KBTBD12: variants seen among roughly 807,000 people sequenced by gnomAD.
KBTBD12 encodes the protein kelch repeat and BTB domain-containing protein 12.
Under a neutral mutation model 58.7 loss-of-function variants are expected in KBTBD12, and 53 were observed. The ratio of observed to expected loss-of-function variants is 0.90; its 90% CI spans 0.72 to 1.14. The LOEUF (loss-of-function observed/expected upper bound fraction) is 1.14, where lower values mean the gene tolerates loss of function less well. KBTBD12 is among the 50% of genes most tolerant of loss of function. The pLI is 0.00. For synonymous variants in KBTBD12, 236 were observed against 259.8 expected, an observed-to-expected ratio of 0.91 and a Z score of 0.88; for missense variants, 704 against 751.3, an observed-to-expected ratio of 0.94 and a Z score of 0.74.
At chr3:127,939,749 T>A (rs1333517893) in intron 4 of KBTBD12, among the ~76,000 whole-genome samples, 2 of 151,884 alleles carry the variant, frequency 1.3e-5, no homozygotes, top group Non-Finnish European at 2.9e-5. Flanking sequence ...GATCTAAATC[T>A]AGCCACAAAA....
intron 4 of KBTBD12, among the ~76,000 whole-genome samples, chr3:127,955,752 G>A (rs1359483111): frequency 6.6e-6 from 1 of 152,188 alleles, no homozygotes; most frequent in Non-Finnish European, 1.5e-5. Flanking sequence ...CATATTATAT[G>A]CTCAAAATAT....
intron 5 of KBTBD12, among the ~76,000 whole-genome samples, chr3:127,968,081 G>A (rs752022104): frequency 4.6e-5 from 7 of 152,290 alleles, no homozygotes; most frequent in South Asian, 2.1e-4. Context: ...ACATTGCCCC[G>A]TGAGAATAAG....
At chr3:127,916,974 CTGTT>C (rs1185254619) in intron 1 of KBTBD12, among the ~76,000 whole-genome samples, 1 of 152,206 alleles carries the variant, frequency 6.6e-6, no homozygotes, top group Non-Finnish European at 1.5e-5. Flanking sequence ...AAACACAGAA[CTGTT>C]TGTCTGCTGC....
At chr3:127,956,146 G>A (rs968779903) in intron 4 of KBTBD12, among the ~76,000 whole-genome samples, 2 of 152,170 alleles carry the variant, frequency 1.3e-5, no homozygotes, top group African/African-American at 2.4e-5. Flanking sequence ...TTTGCTATAA[G>A]TATCTATAAA....
In KBTBD12 at chr3:127,984,313, A is replaced by C. The variant is rs1940928884; in HGVS notation, c.*35A>C. On this transcript the variant is annotated 3_prime_UTR_variant, in exon 6 of 6. Coordinates refer to ENST00000405109, the MANE Select transcript of KBTBD12 (RefSeq NM_207335.4). ...GCTGGAGGACCTCCTGCTGTTCTGC[A>C]AACAAGGCCTTCAGAACGGAGAGGG... 6.3e-7 allele frequency: 1 copy of C among 1,591,060 alleles called. No individual in the cohort carries two copies. Among genetic ancestry groups the C allele is most frequent in the African/African-American group, 1.3e-5 (1 of 74,388 alleles).
intron 5 of KBTBD12, among the ~76,000 whole-genome samples, chr3:127,971,260 T>C (rs1300238472): frequency 6.6e-6 from 1 of 152,126 alleles, no homozygotes; most frequent in Non-Finnish European, 1.5e-5. Context: ...TTCCTGTGGT[T>C]GGCACGCAGA....
chr3:127,951,852 AG>A (rs1185627664), intron 4 of KBTBD12, among the ~76,000 whole-genome samples: 2 of 152,222 alleles, frequency 1.3e-5, no homozygotes, highest in Non-Finnish European at 2.9e-5. Flanking sequence ...AAGGGATTAG[AG>A]GGCAGTATAA....
chr3:127,971,354 C>T (rs1314943188), intron 5 of KBTBD12, among the ~76,000 whole-genome samples: 1 of 152,128 alleles, frequency 6.6e-6, no homozygotes, highest in Admixed American at 6.5e-5. Flanking sequence ...CGAAGAGCCA[C>T]TCTCATGTTT....
At chr3:127,971,626 T>G (rs1283667785) in intron 5 of KBTBD12, among the ~76,000 whole-genome samples, 1 of 152,126 alleles carries the variant, frequency 6.6e-6, no homozygotes, top group Non-Finnish European at 1.5e-5. Context: ...CTTCCCTTCC[T>G]CCAGGATGGC....
chr3:127,962,928 A>G (rs74721877), intron 4 of KBTBD12, among the ~76,000 whole-genome samples: 4,061 of 152,330 alleles, frequency 0.027, 68 homozygotes, highest in Middle Eastern at 0.082. Context: ...GATATTATAG[A>G]ATATAAGCCA....
intron 5 of KBTBD12, among the ~76,000 whole-genome samples, chr3:127,975,143 G>T (rs1940760120): frequency 1.3e-5 from 2 of 152,228 alleles, no homozygotes; most frequent in Non-Finnish European, 2.9e-5. Context: ...AGAGCAGTGT[G>T]ACCTGACAGG....
At chr3:127,933,906 C>T (rs1382475601) in intron 4 of KBTBD12, among the ~76,000 whole-genome samples, 6 of 152,000 alleles carry the variant, frequency 3.9e-5, no homozygotes, top group Admixed American at 2.6e-4. Context: ...AAAACAACAA[C>T]AAAAAGGCAG....
In KBTBD12 at chr3:127,923,196, C is replaced by G. The variant is rs1417324228; in HGVS notation, c.135C>G (p.His45Gln). 1.2e-6 allele frequency: 2 copies of G among 1,613,734 alleles called. No homozygotes were observed. Among genetic ancestry groups the G allele is most frequent in the East Asian group, 2.2e-5 (1 of 44,890 alleles). The change falls in exon 2 of 6, where the codon CAC becomes CAG. Residue 45 changes from histidine to glutamine, a missense_variant. His to Gln is a conservative substitution (Grantham distance 24). Coordinates refer to ENST00000405109, the MANE Select transcript of KBTBD12 (RefSeq NM_207335.4). ...CAGAAGGAGAGAAATTTCCTTGCCA[C>G]AGACTGGTCCTGGCTGCATTTAGCC... ...LTAEGEKFPC[H>Q]RLVLAAFSPY...
chr3:127,939,461 A>G (rs921131536), intron 4 of KBTBD12, among the ~76,000 whole-genome samples: 1 of 152,202 alleles, frequency 6.6e-6, no homozygotes, highest in African/African-American at 2.4e-5. Context: ...TCTATGAGAC[A>G]TATATTTACA....
Position 127,984,237 on chromosome 3 carries a change from C to T in KBTBD12, c.1831C>T (p.Pro611Ser). ...CAGGATGAATCCCCGAGACCTCATC[C>T]CCCCGCCTTCAGATTTGGTGGAAGA... ...VARMNPRDLI[P>S]PPSDLVEEGN... Residue 611 changes from proline to serine, a missense_variant, in exon 6 of 6, where the codon CCC becomes TCC. Pro to Ser is a moderately conservative substitution (Grantham distance 74). Coordinates refer to ENST00000405109, the MANE Select transcript of KBTBD12 (RefSeq NM_207335.4). The T allele has an allele frequency of 1.2e-6, 2 of 1,613,874 alleles. No homozygotes were observed. Among genetic ancestry groups the T allele is most frequent in the Non-Finnish European group, 1.7e-6 (2 of 1,179,866 alleles).
At chr3:127,954,715 C>T (rs1209321384) in intron 4 of KBTBD12, among the ~76,000 whole-genome samples, 2 of 152,162 alleles carry the variant, frequency 1.3e-5, no homozygotes, top group Non-Finnish European at 2.9e-5. Flanking sequence ...TCACACGTGG[C>T]CCCAGCCTGC....
In KBTBD12 at chr3:127,923,369, C is replaced by A. The variant is rs374489338; in HGVS notation, c.308C>A (p.Thr103Asn). 12 of 1,613,638 alleles carry A rather than the reference C, an allele frequency of 7.4e-6. No individual in the cohort carries two copies. Among genetic ancestry groups the A allele is most frequent in the Non-Finnish European group, 1.0e-5 (12 of 1,179,790 alleles). Residue 103 changes from threonine (T) to asparagine (N), a missense_variant, in exon 2 of 6, where the codon ACT (threonine) becomes AAT (asparagine). Transcript: ENST00000405109. ...GAGATCAATAATGCCAATGTACAGA[C>A]TGTAGCTATGGCTGCCTATTTTATG... Reference protein sequence around the residue: ...ALEINNANVQTVAMAAYFMQM... With the variant: ...ALEINNANVQNVAMAAYFMQM...
chr3:127,973,515 A>AT (rs1362257543), intron 5 of KBTBD12, among the ~76,000 whole-genome samples: 1 of 152,092 alleles, frequency 6.6e-6, no homozygotes, highest in Non-Finnish European at 1.5e-5. Flanking sequence ...AATTAATGTT[A>AT]TTTTTTCATA....
At chr3:127,949,355 C>A (rs1940156693) in intron 4 of KBTBD12, among the ~76,000 whole-genome samples, 1 of 152,132 alleles carries the variant, frequency 6.6e-6, no homozygotes, top group Non-Finnish European at 1.5e-5. Context: ...ACCTGGAGAG[C>A]TAGACAAGAG....
Sources: gnomAD v4.1 joint callset for allele counts (sites outside exome capture counted in the v4.1 genomes callset) on GRCh38, gnomAD v4.1.1 for gene constraint, MANE v1.5 for transcripts, NCBI Gene and HGNC (gene_info 2026-07-23, HGNC 2026-07-21) for gene names.